Variants in TPCN1 observed in about 807,000 individuals in gnomAD.
TPCN1 encodes the protein two pore segment channel 1.
TPCN1 carries 52 observed loss-of-function variants against 108.8 expected under a neutral mutation model. That is an observed-to-expected ratio of 0.48 (90% confidence interval 0.38 to 0.60). The LOEUF (loss-of-function observed/expected upper bound fraction) is 0.60, where lower values mean the gene tolerates loss of function less well. Ranked by LOEUF, TPCN1 falls within the 20% of genes least tolerant of loss-of-function variation. TPCN1 has a pLI of 0.00. For synonymous variants in TPCN1, 446 were observed against 433.7 expected (o/e 1.03, Z -0.35); for missense variants, 806 against 1,072.8 (o/e 0.75, Z 3.47).
chr12:113,227,920 C>T (rs1384035838), intron 2 of TPCN1, among the ~76,000 whole-genome samples: 1 of 152,132 alleles, frequency 6.6e-6, no homozygotes, highest in Non-Finnish European at 1.5e-5. Flanking sequence ...GGTGGGGAGC[C>T]CTGGCTGCCT....
chr12:113,280,357 T>G lies in TPCN1; in HGVS notation c.1342+162T>G, dbSNP rs551468765. 2.8e-5 allele frequency: 15 copies of G among 532,804 alleles called. No individual in the cohort carries two copies. The South Asian group carries it at 4.2e-4, about 15-fold the overall frequency. 33.0% of individuals were successfully genotyped at this position (532,804 alleles called of 1,614,324 possible). ...AGTGAAGAGAACATTACCACACGCA[T>G]CCCCGTGCCCATCACCCATCTGTAT... On this transcript the variant is annotated intron_variant, in intron 15 of 27. Coordinates refer to ENST00000335509, the MANE Select transcript of TPCN1 (RefSeq NM_017901.6).
rs1182872439 is a variant in TPCN1, at chr12:113,269,895, G to A, written c.748+50G>A. 6.3e-7 allele frequency: 1 copy of A among 1,591,938 alleles called. No homozygotes were observed. Among genetic ancestry groups the A allele is most frequent in the African/African-American group, 1.3e-5 (1 of 74,484 alleles). On this transcript the variant is annotated intron_variant, in intron 7 of 27. Transcript: ENST00000335509. This position sits in a 1 kb window ranked among gnomAD's most constrained non-coding sequence, Gnocchi z 5.0. ...GGTGCGCTGGAAAAGCAAGTTCACG[G>A]TGGATGAAAAATTATTTTGGGCCTG...
chr12:113,271,399 C>T (rs1368141036), intron 7 of TPCN1, among the ~76,000 whole-genome samples: 1 of 152,176 alleles, frequency 6.6e-6, no homozygotes, highest in East Asian at 1.9e-4. Context: ...TTCCCGCTTT[C>T]CCCAAAGGTA....
At chr12:113,257,524 A>G (rs2136560473) in intron 2 of TPCN1, among the ~76,000 whole-genome samples, 1 of 152,232 alleles carries the variant, frequency 6.6e-6, no homozygotes, top group African/African-American at 2.4e-5. Context: ...GAGCGAGCAT[A>G]TCAACAGTTG....
At chr12:113,224,235 G>C (rs1199298404) in intron 1 of TPCN1, among the ~76,000 whole-genome samples, 1 of 152,154 alleles carries the variant, frequency 6.6e-6, no homozygotes, top group Admixed American at 6.5e-5. Flanking sequence ...GGCAGGATAC[G>C]TAATCTGTCT....
chr12:113,284,902 TCC>T lies in TPCN1; in HGVS notation c.1453+132_1453+133del. ...AAAGAGACGGAGTAATCAGTCTGATTCCATCTCGTCCCCGTTTAAAACTCTTT... is the reference window on the plus strand; with the variant it reads ...AAAGAGACGGAGTAATCAGTCTGATTATCTCGTCCCCGTTTAAAACTCTTT... On this transcript the variant is annotated intron_variant, in intron 17 of 27. Coordinates refer to ENST00000335509, the MANE Select transcript of TPCN1 (RefSeq NM_017901.6). This position sits in a 1 kb window ranked among gnomAD's most constrained non-coding sequence, Gnocchi z 4.1. 1 of 1,029,170 alleles carries T rather than the reference TCC, an allele frequency of 9.7e-7. No homozygotes were observed. The highest frequency in any genetic ancestry group is 1.5e-6 in the Non-Finnish European group (1 of 677,344). 63.8% of individuals were successfully genotyped at this position (1,029,170 alleles called of 1,614,324 possible). A position where few individuals can be genotyped will look rare whatever the true frequency, so the allele number is the denominator to read the frequency against.
intron 15 of TPCN1, among the ~76,000 whole-genome samples, chr12:113,283,130 C>A (rs759348892): frequency 6.6e-5 from 10 of 152,144 alleles, no homozygotes; most frequent in Non-Finnish European, 1.2e-4. Flanking sequence ...CAAGTCAGAT[C>A]TACCAAAAAA....
At chr12:113,281,802 G>C (rs926904105) in intron 15 of TPCN1, among the ~76,000 whole-genome samples, 1 of 152,058 alleles carries the variant, frequency 6.6e-6, no homozygotes, top group Non-Finnish European at 1.5e-5. Flanking sequence ...GCCTCCCGAA[G>C]TGCTGGGAGT....
Position 113,292,965 on chromosome 12 carries a change from C to T in TPCN1, c.2145C>T (p.Ile715=), listed in dbSNP as rs1956315645. The change falls in exon 26 of 28, where the codon ATC becomes ATT. Residue 715 remains isoleucine (I), a synonymous_variant. Coordinates refer to ENST00000335509, the MANE Select transcript of TPCN1 (RefSeq NM_017901.6). ...VDGGITLEKE[I]SKEELVAVLE... is the part of the protein sequence containing the mutation. ...GTGGCATCACCCTTGAGAAGGAAAT[C>T]TCCAAAGAAGAGCTGGTTGCCGTCC... 3 of 1,613,076 alleles carry T rather than the reference C, an allele frequency of 1.9e-6. No individual in the cohort carries two copies. Among genetic ancestry groups the T allele is most frequent in the Non-Finnish European group, 2.5e-6 (3 of 1,180,008 alleles).
Position 113,268,640 on chromosome 12 carries a change from C to T in TPCN1, c.529-102C>T, listed in dbSNP as rs562626285. On this transcript the variant is annotated intron_variant, in intron 5 of 27. Coordinates refer to ENST00000335509, the MANE Select transcript of TPCN1 (RefSeq NM_017901.6). The surrounding 1 kb of genome is among the most constrained non-coding windows in gnomAD (Gnocchi z 7.3). ...GGGCTGGAGAGAGGAGAAGGCCTCC[C>T]GAGGCCAGAGTGGGCACTGCCTCTC... 1.7e-5 allele frequency: 25 copies of T among 1,467,518 alleles called. No homozygotes were observed. The highest frequency in any genetic ancestry group is 2.8e-5 in the African/African-American group (2 of 72,360). 90.9% of individuals were successfully genotyped at this position (1,467,518 alleles called of 1,614,324 possible).
chr12:113,251,528 T>C (rs1423648704), intron 2 of TPCN1, among the ~76,000 whole-genome samples: 2 of 152,366 alleles, frequency 1.3e-5, no homozygotes, highest in Non-Finnish European at 2.9e-5. Context: ...CCACCAGCCA[T>C]GTGTGGTCTG....
intron 22 of TPCN1, 40 bp downstream of exon 22, chr12:113,290,283 C>A: frequency 2.1e-6 from 3 of 1,412,066 alleles, no homozygotes; most frequent in Non-Finnish European, 2.9e-6. Context: ...TCCCTGGGGA[C>A]CCCACCCTTG....
At chr12:113,235,736 T>C (rs973389365) in intron 2 of TPCN1, among the ~76,000 whole-genome samples, 3 of 152,072 alleles carry the variant, frequency 2.0e-5, no homozygotes, top group Admixed American at 6.6e-5. Flanking sequence ...TGTATAACTC[T>C]AGAAGGGTTT....
Position 113,288,242 on chromosome 12 carries a change from C to T in TPCN1, c.1706+8C>T, listed in dbSNP as rs925141029. 6.2e-7 allele frequency: 1 copy of T among 1,613,712 alleles called. No homozygotes were observed. Among genetic ancestry groups the T allele is most frequent in the Non-Finnish European group, 8.5e-7 (1 of 1,179,928 alleles). On this transcript the variant is annotated splice_region_variant and intron_variant, in intron 20 of 27. Coordinates refer to ENST00000335509, the MANE Select transcript of TPCN1 (RefSeq NM_017901.6). This position sits in a 1 kb window ranked among gnomAD's most constrained non-coding sequence, Gnocchi z 4.8. ...GCTGCCCCGGATGGCCAGGTACTGC[C>T]AGCCCCCACCCTGGCCTGCAGGTCC...
intron 2 of TPCN1, among the ~76,000 whole-genome samples, chr12:113,236,859 A>T (rs1273000456): frequency 1.3e-5 from 2 of 152,092 alleles, no homozygotes; most frequent in East Asian, 3.9e-4. Flanking sequence ...ACCTTTTAGG[A>T]CTGTTCTGAG....
chr12:113,278,371 T>C lies in TPCN1; in HGVS notation c.1233+134T>C, dbSNP rs970231559. 5.5e-5 allele frequency: 44 copies of C among 798,032 alleles called. No individual in the cohort carries two copies. The African/African-American group carries it at 6.9e-4, about 12-fold the overall frequency. The allele number at this position is 798,032 out of a possible 1,614,324, so 49.4% of individuals were successfully genotyped here. On this transcript the variant is annotated intron_variant, in intron 13 of 27. Transcript: ENST00000335509. Reference sequence around the variant, plus strand: ...CAGCCCCCAGCTTGGCATGGTACACTTCAGGGATCACAGGTGGCCCCAGCC... The same window carrying C: ...CAGCCCCCAGCTTGGCATGGTACACCTCAGGGATCACAGGTGGCCCCAGCC...
intron 18 of TPCN1, 100 bp from the exon 19 acceptor site, chr12:113,286,887 G>A: frequency 1.3e-6 from 1 of 790,604 alleles, no homozygotes; most frequent in South Asian, 1.5e-5. Context: ...TGCTGTGTCT[G>A]GGCTCTGTGG....
rs150277886 is a variant in TPCN1 at position 113,268,554 on chromosome 12, G to A, written c.529-188G>A. Among the ~76,000 whole-genome samples the A allele has an allele frequency of 2.8e-4, 42 of 152,308 alleles. 2 individuals are homozygous for A. The highest frequency in any genetic ancestry group is 9.6e-4 in the African/African-American group (40 of 41,556). ...TCCATTCTTCTGGTGCCACACACCT[G>A]TGCCAGCACCTGGAGTTTTTTTTCT... On this transcript the variant is annotated intron_variant, in intron 5 of 27. Transcript: ENST00000335509. The surrounding 1 kb of genome is among the most constrained non-coding windows in gnomAD (Gnocchi z 7.3).
chr12:113,286,143 G>A (rs781493468), intron 18 of TPCN1, among the ~76,000 whole-genome samples, 182 bp downstream of exon 18: 1 of 152,188 alleles, frequency 6.6e-6, no homozygotes, highest in Admixed American at 6.5e-5. Context: ...CCAGGGTCAG[G>A]CCCTTGTCTG....
Sources: gnomAD v4.1 joint callset for allele counts (sites outside exome capture counted in the v4.1 genomes callset) on GRCh38, gnomAD v4.1.1 for gene constraint, Gnocchi (gnomAD v3.1) non-coding constraint, MANE v1.5 for transcripts, NCBI Gene and HGNC (gene_info 2026-07-23, HGNC 2026-07-21) for gene names.